The following FAF1 variants were observed in gnomAD, a reference collection of about 807,000 sequenced individuals.
FAF1 encodes FAS-associated factor 1.
A neutral mutation model predicts 92.5 loss-of-function variants in FAF1; 25 were observed. That is an observed-to-expected ratio of 0.27 (90% CI 0.20 to 0.38). The LOEUF is 0.38. FAF1 is among the 10% of genes least tolerant of loss of function. The probability of loss-of-function intolerance (pLI) is 1.00; values close to 1 mark genes in which losing one functional copy is unlikely to be tolerated. For synonymous variants in FAF1, 234 were observed against 273.2 expected, an observed-to-expected ratio of 0.86 and a Z score of 1.42; for missense variants, 636 against 793.3, an observed-to-expected ratio of 0.80 and a Z score of 2.38.
At chr1:50,640,829 A>ATTTT (rs71059592) in intron 8 of FAF1, among the ~76,000 whole-genome samples, 925 of 88,470 alleles carry the variant, frequency 0.01, 24 homozygotes, top group East Asian at 0.02. Context: ...TTATCAGCTG[A>ATTTT]TTTTTTTTTT....
intron 7 of FAF1, among the ~76,000 whole-genome samples, chr1:50,705,229 T>C (rs905923301): frequency 1.3e-5 from 2 of 152,212 alleles, no homozygotes; most frequent in African/African-American, 4.8e-5. Context: ...GGTTCTCTTT[T>C]GAAACAGTGG....
intron 8 of FAF1, among the ~76,000 whole-genome samples, chr1:50,618,849 A>G (rs1255661465): frequency 6.6e-6 from 1 of 150,582 alleles, no homozygotes; most frequent in Non-Finnish European, 1.5e-5. Flanking sequence ...CCTGGGTTCC[A>G]GCGATTCTTC....
chr1:50,858,151 T>C (rs1644405065), intron 1 of FAF1, among the ~76,000 whole-genome samples, 154 bp from the exon 2 acceptor site: 1 of 151,882 alleles, frequency 6.6e-6, no homozygotes, highest in South Asian at 2.1e-4. Flanking sequence ...CTAAGCATTT[T>C]ACATATATGG....
intron 6 of FAF1, among the ~76,000 whole-genome samples, chr1:50,714,421 G>A (rs1437359344): frequency 6.6e-6 from 1 of 152,002 alleles, no homozygotes; most frequent in African/African-American, 2.4e-5. Flanking sequence ...GCTGAGGCAG[G>A]AGAATCTCTT....
rs1251793994 is a variant in FAF1, at chr1:50,654,479, GA to G, written c.744+962del. On this transcript the variant is annotated intron_variant, in intron 8 of 18. Transcript: ENST00000396153. Reference sequence around the variant, plus strand: ...TTATATAATGAAATTTACTCTCATAGAAAACAGCAATGAGTGGAAATGACAG... The same window carrying G: ...TTATATAATGAAATTTACTCTCATAGAAACAGCAATGAGTGGAAATGACAG... Among the ~76,000 whole-genome samples, 6 of 152,156 alleles carry G rather than the reference GA, an allele frequency of 3.9e-5. No homozygotes were observed. The East Asian group carries it at 5.8e-4, about 15-fold the overall frequency.
At chr1:50,645,933 A>G (rs930250892) in intron 8 of FAF1, among the ~76,000 whole-genome samples, 2 of 152,226 alleles carry the variant, frequency 1.3e-5, no homozygotes, top group African/African-American at 4.8e-5. Context: ...GCTCACAGTC[A>G]TAACTGTCAA....
intron 2 of FAF1, among the ~76,000 whole-genome samples, chr1:50,842,300 A>C (rs190338807): frequency 9.5e-4 from 144 of 152,204 alleles, no homozygotes; most frequent in Non-Finnish European, 1.8e-3. Flanking sequence ...GATACCAAGA[A>C]AAAGAGTCAA....
At position 50,447,560 on chromosome 1, in the gene FAF1, A is replaced by G. The variant is rs942339283; in HGVS notation, c.1870-6037T>C. Reference sequence around the variant, plus strand: ...TGGTGACCAATAACTTTCATTCTCTAGACTGTGTGCTGATAGCACTGTGAG... The same window carrying G: ...TGGTGACCAATAACTTTCATTCTCTGGACTGTGTGCTGATAGCACTGTGAG... On this transcript the variant is annotated intron_variant, in intron 18 of 18. Coordinates refer to ENST00000396153, the MANE Select transcript of FAF1 (RefSeq NM_007051.3). 5.3e-5 allele frequency among the ~76,000 whole-genome samples: 8 copies of G among 152,186 alleles called. 1 individual carries two copies. The highest frequency in any genetic ancestry group is 1.9e-4 in the African/African-American group (8 of 41,432).
intron 18 of FAF1, among the ~76,000 whole-genome samples, chr1:50,443,939 C>T (rs1348777865): frequency 2.0e-5 from 3 of 152,120 alleles, no homozygotes; most frequent in Non-Finnish European, 4.4e-5. Flanking sequence ...ATGCCTCCAT[C>T]TCTGGAGACC....
intron 7 of FAF1, among the ~76,000 whole-genome samples, chr1:50,694,323 TTTGA>T (rs1454320186): frequency 6.6e-6 from 1 of 152,164 alleles, no homozygotes; most frequent in Non-Finnish European, 1.5e-5. Flanking sequence ...ATAATGTGCC[TTTGA>T]TAACAGAACA....
chr1:50,499,110 T>C (rs1401805742), intron 15 of FAF1, among the ~76,000 whole-genome samples: 1 of 152,168 alleles, frequency 6.6e-6, no homozygotes, highest in Non-Finnish European at 1.5e-5. Context: ...GTGCTTCAAA[T>C]GTGAAAGGAT....
intron 5 of FAF1, among the ~76,000 whole-genome samples, chr1:50,741,574 A>G (rs774291367): frequency 2.0e-5 from 3 of 152,256 alleles, no homozygotes; most frequent in Non-Finnish European, 4.4e-5. Flanking sequence ...TGAGACAACA[A>G]TAATGAAGTT....
intron 1 of FAF1, among the ~76,000 whole-genome samples, chr1:50,883,918 A>C (rs996835004): frequency 3.4e-4 from 52 of 150,870 alleles, no homozygotes; most frequent in Non-Finnish European, 1.5e-4. Flanking sequence ...TGAGGTGAGG[A>C]ATTCCAGACC....
intron 9 of FAF1, among the ~76,000 whole-genome samples, chr1:50,585,956 G>A (rs550625324): frequency 6.6e-6 from 1 of 151,932 alleles, no homozygotes. Context: ...GGGAGGCTGA[G>A]GCAGGAGGAT....
chr1:50,481,883 G>A (rs1198139410), intron 17 of FAF1, among the ~76,000 whole-genome samples: 2 of 152,114 alleles, frequency 1.3e-5, no homozygotes, highest in African/African-American at 4.8e-5. Context: ...CCAATGTGGC[G>A]GGAATGGAAT....
At chr1:50,920,661 AAGG>A (rs1490841016) in intron 1 of FAF1, among the ~76,000 whole-genome samples, 1 of 152,232 alleles carries the variant, frequency 6.6e-6, no homozygotes, top group East Asian at 1.9e-4. Context: ...TAACAGAACA[AAGG>A]AGAAAATCTA....
intron 1 of FAF1, among the ~76,000 whole-genome samples, chr1:50,919,140 ATAGGTTTACCACTAATTC>A (rs1469977325): frequency 1.1e-4 from 16 of 152,210 alleles, no homozygotes; most frequent in Admixed American, 9.2e-4. Flanking sequence ...TACCCAACAG[ATAGGTTTACCACTAATTC>A]TAACTCCTAA....
intron 7 of FAF1, among the ~76,000 whole-genome samples, chr1:50,658,343 G>A (rs1294184317): frequency 6.6e-6 from 1 of 151,952 alleles, no homozygotes; most frequent in Non-Finnish European, 1.5e-5. Context: ...AGGCCGCAAA[G>A]CTACCCTAGC....
At chr1:50,782,263 T>G (rs1265645927) in intron 4 of FAF1, among the ~76,000 whole-genome samples, 2 of 152,136 alleles carry the variant, frequency 1.3e-5, no homozygotes, top group African/African-American at 4.8e-5. Flanking sequence ...CCATAGCAGA[T>G]GACACCTCTA....
Sources: allele counts gnomAD v4.1 joint callset (sites outside exome capture counted in the v4.1 genomes callset), GRCh38; gene constraint gnomAD v4.1.1; transcripts MANE v1.5; gene names NCBI Gene and HGNC (gene_info 2026-07-23, HGNC 2026-07-21).